PTPRQ: variants seen among roughly 807,000 people sequenced by gnomAD.
PTPRQ encodes the protein protein tyrosine phosphatase receptor type Q, also known as phosphatidylinositol phosphatase PTPRQ.
A neutral mutation model predicts 246.0 loss-of-function variants in PTPRQ; 199 were observed. The observed-to-expected ratio is 0.81, with a 90% CI of 0.72 to 0.91. The LOEUF is 0.91. Ranked by LOEUF, PTPRQ falls within the 40% of genes least tolerant of loss-of-function variation. The pLI is 0.00. For synonymous variants in PTPRQ, 869 were observed against 853.2 expected, an observed-to-expected ratio of 1.02 and a Z score of -0.32; for missense variants, 2,624 against 2,528.4, an observed-to-expected ratio of 1.04 and a Z score of -0.81.
chr12:80,607,726 A>G lies in PTPRQ; in HGVS notation c.4731+2546A>G, dbSNP rs1163677243. Among the ~76,000 whole-genome samples, 3 of 151,068 alleles carry G rather than the reference A, an allele frequency of 2.0e-5. No homozygotes were observed. The East Asian group carries it at 5.8e-4, about 29-fold the overall frequency. On this transcript the variant is annotated intron_variant, in intron 27 of 44. Coordinates refer to ENST00000644991, the MANE Select transcript of PTPRQ (RefSeq NM_001145026.2). ...TCTACAAAATACTAGCCACACCGAT[A>G]AAACTCTTAACTTTAAAAGTGTAAA...
intron 17 of PTPRQ, among the ~76,000 whole-genome samples, chr12:80,522,819 A>G (rs1895545972): frequency 6.6e-6 from 1 of 152,114 alleles, no homozygotes; most frequent in Non-Finnish European, 1.5e-5. Flanking sequence ...TTCATGTAAA[A>G]TTCTCTTTTT....
intron 17 of PTPRQ, among the ~76,000 whole-genome samples, chr12:80,520,738 A>T (rs1421507916): frequency 6.6e-6 from 1 of 151,800 alleles, no homozygotes; most frequent in Non-Finnish European, 1.5e-5. Context: ...TATGTGCCAC[A>T]TTTTCTTAAT....
chr12:80,564,332 A>G (rs1037931713), intron 25 of PTPRQ, among the ~76,000 whole-genome samples: 12 of 152,126 alleles, frequency 7.9e-5, no homozygotes, highest in Admixed American at 6.5e-4. Context: ...TTATTACTTG[A>G]GTGCTGCACT....
intron 26 of PTPRQ, among the ~76,000 whole-genome samples, chr12:80,595,346 T>C (rs1161494950): frequency 6.6e-6 from 1 of 152,118 alleles, no homozygotes; most frequent in East Asian, 1.9e-4. Context: ...AGATTTGTTA[T>C]GAATATGGAA....
At chr12:80,638,930 A>C (rs1899756613) in intron 35 of PTPRQ, among the ~76,000 whole-genome samples, 1 of 152,220 alleles carries the variant, frequency 6.6e-6, no homozygotes, top group South Asian at 2.1e-4. Flanking sequence ...TCTGTTTCAC[A>C]CTTACCGAAT....
chr12:80,490,775 C>T (rs1243834701), intron 9 of PTPRQ, among the ~76,000 whole-genome samples: 5 of 151,764 alleles, frequency 3.3e-5, no homozygotes, highest in Non-Finnish European at 7.4e-5. Flanking sequence ...GACTTTTTTC[C>T]CTCCTATTTC....
In PTPRQ at chr12:80,662,813, A is replaced by G. The variant is rs545246403; in HGVS notation, c.6192+4752A>G. 2.7e-4 allele frequency among the ~76,000 whole-genome samples: 41 copies of G among 152,152 alleles called. 1 individual carries two copies. The highest frequency in any genetic ancestry group is 7.9e-4 in the Admixed American group (12 of 15,252). The stretch of plus-strand genomic sequence containing the variant: ...TTGTTCCATGTATCACAGAGCTTTA[A>G]AAACCAGTAAACTCTATATTCCAAT... On this transcript the variant is annotated intron_variant, in intron 39 of 44. Transcript: ENST00000644991.
chr12:80,595,112 A>C (rs1897926225), intron 26 of PTPRQ, among the ~76,000 whole-genome samples: 1 of 152,034 alleles, frequency 6.6e-6, no homozygotes, highest in East Asian at 1.9e-4. Flanking sequence ...TCTGGTGACC[A>C]GCTTTGTTTT....
At chr12:80,558,629 G>GT (rs1171915953) in intron 25 of PTPRQ, among the ~76,000 whole-genome samples, 1 of 152,068 alleles carries the variant, frequency 6.6e-6, no homozygotes. Flanking sequence ...ATTTTCCTAT[G>GT]TCTAGGATAT....
intron 25 of PTPRQ, among the ~76,000 whole-genome samples, chr12:80,582,613 G>A (rs1383899057): frequency 6.6e-6 from 1 of 152,184 alleles, no homozygotes; most frequent in Non-Finnish European, 1.5e-5. Flanking sequence ...CCAGAAACCT[G>A]CCATGCTGGC....
chr12:80,564,520 T>C (rs1406840848), intron 25 of PTPRQ, among the ~76,000 whole-genome samples: 2 of 152,222 alleles, frequency 1.3e-5, no homozygotes, highest in Non-Finnish European at 2.9e-5. Context: ...TTTTTATCCA[T>C]CTATTCAAGA....
chr12:80,495,754 G>T (rs562915963), intron 12 of PTPRQ, among the ~76,000 whole-genome samples: 3 of 152,074 alleles, frequency 2.0e-5, no homozygotes, highest in South Asian at 4.1e-4. Flanking sequence ...TATACACCCT[G>T]CAGTGTGCCA....
At chr12:80,449,568 G>T (rs1054957884) in intron 3 of PTPRQ, among the ~76,000 whole-genome samples, 4 of 151,898 alleles carry the variant, frequency 2.6e-5, no homozygotes, top group African/African-American at 9.7e-5. Context: ...TGTAAGGAAG[G>T]GATCCAGTTT....
intron 16 of PTPRQ, 54 bp downstream of exon 16, chr12:80,506,724 C>T (rs1366709393): frequency 1.4e-6 from 2 of 1,460,758 alleles, no homozygotes; most frequent in East Asian, 2.5e-5. Context: ...TTCCAAGAAA[C>T]ACACGTATAG....
intron 25 of PTPRQ, among the ~76,000 whole-genome samples, chr12:80,555,298 A>G (rs1896612923): frequency 2.0e-5 from 3 of 152,152 alleles, no homozygotes; most frequent in Admixed American, 2.0e-4. Context: ...GGTTCAAGCA[A>G]TCCTTCTGCT....
At chr12:80,640,841 C>T (rs1899829710) in intron 35 of PTPRQ, among the ~76,000 whole-genome samples, 1 of 152,094 alleles carries the variant, frequency 6.6e-6, no homozygotes, top group Non-Finnish European at 1.5e-5. Flanking sequence ...TGCACATTGA[C>T]TCATAATGTG....
chr12:80,634,742 GA>G (rs994439726), intron 34 of PTPRQ: 28 of 662,614 alleles, frequency 4.2e-5, no homozygotes, highest in East Asian at 4.3e-5. Context: ...TAACTTATTA[GA>G]AAAAAAAGAA....
chr12:80,600,859 G>A (rs545613560), intron 26 of PTPRQ, among the ~76,000 whole-genome samples: 5 of 151,764 alleles, frequency 3.3e-5, no homozygotes, highest in East Asian at 2.0e-4. Context: ...TGGTCTTAAC[G>A]GCCTTACATT....
At chr12:80,576,043 ATTCT>A (rs1177852058) in intron 25 of PTPRQ, among the ~76,000 whole-genome samples, 1 of 151,876 alleles carries the variant, frequency 6.6e-6, no homozygotes, top group Admixed American at 6.6e-5. Flanking sequence ...AACAATCCCA[ATTCT>A]TTCTTTATTC....
Sources: gnomAD v4.1 joint callset for allele counts (sites outside exome capture counted in the v4.1 genomes callset) on GRCh38, gnomAD v4.1.1 for gene constraint, MANE v1.5 for transcripts, NCBI Gene and HGNC (gene_info 2026-07-23, HGNC 2026-07-21) for gene names.